The following HOXD3 variants were observed in gnomAD, a reference collection of about 807,000 sequenced individuals.
HOXD3 encodes the protein homeobox protein Hox-D3.
Under a neutral mutation model 32.8 loss-of-function variants are expected in HOXD3, and 13 were observed. The observed-to-expected ratio is 0.40, with a 90% CI of 0.26 to 0.63. The LOEUF is 0.63. HOXD3 is among the 20% of genes least tolerant of loss of function. The probability of loss-of-function intolerance (pLI) is 0.44; values close to 1 mark genes in which losing one functional copy is unlikely to be tolerated. For synonymous variants in HOXD3, 241 were observed against 246.8 expected, an observed-to-expected ratio of 0.98 and a Z score of 0.22; for missense variants, 504 against 577.1, an observed-to-expected ratio of 0.87 and a Z score of 1.30.
chr2:176,169,680 C>T (rs1239201627), intron 3 of HOXD3, 25 bp downstream of exon 3: 1 of 1,553,080 alleles, frequency 6.4e-7, no homozygotes, highest in Non-Finnish European at 8.7e-7. Context: ...TGGCCTACTG[C>T]CAGACCAAGC....
At chr2:176,157,017 G>T (rs1219472327), upstream of HOXD3, among the ~76,000 whole-genome samples, 1 of 152,110 alleles carries the variant, frequency 6.6e-6, no homozygotes, top group Non-Finnish European at 1.5e-5. Flanking sequence ...ATTGAATCGC[G>T]GGCAGGGATG....
Position 176,169,255 on chromosome 2 carries a change from C to A in HOXD3, c.141C>A (p.His47Gln), listed in dbSNP as rs768322112. 3.7e-6 allele frequency: 6 copies of A among 1,614,068 alleles called. 1 individual carries two copies. In the South Asian group the frequency reaches 4.4e-5, roughly 12 times the overall value. Reference protein sequence around the residue: ...TTDTYGYSTPHQPYPPPAAAS... With the variant: ...TTDTYGYSTPQQPYPPPAAAS... ...ACACTTACGGCTACAGCACCCCCCA[C>A]CAGCCCTACCCACCCCCTGCTGCTG... The change falls in exon 3 of 4, where the codon CAC (histidine) becomes CAA (glutamine). Residue 47 changes from histidine to glutamine, a missense_variant. Coordinates refer to ENST00000683222, the MANE Select transcript of HOXD3 (RefSeq NM_006898.5).
Position 176,171,930 on chromosome 2 carries a change from C to T in HOXD3, c.955C>T (p.Leu319Phe). The stretch of plus-strand genomic sequence containing the variant: ...CGGCCTGGCCGCCTACACGGCGCCA[C>T]TCAGCAGCTGCCTGCCACAACAGAA... ...MYGLAAYTAP[L>F]SSCLPQQKRY... Residue 319 changes from leucine (L) to phenylalanine (F), a missense_variant, in exon 4 of 4, where the codon CTC becomes TTC. Transcript: ENST00000683222. The T allele has an allele frequency of 6.2e-7, 1 of 1,610,336 alleles. No individual in the cohort carries two copies. Among genetic ancestry groups the T allele is most frequent in the Non-Finnish European group, 8.5e-7 (1 of 1,179,090 alleles).
Position 176,169,050 on chromosome 2 carries a change from C to T in HOXD3, c.-65C>T. ...TGACAGGTCACCTGGAGCCTGGGGG[C>T]CGGCCCAGCTCTCTCAGGATTCAGC... is the stretch of plus-strand genomic sequence containing the variant. On this transcript the variant is annotated 5_prime_UTR_variant, in exon 3 of 4. Transcript: ENST00000683222. 1 of 1,526,486 alleles carries T rather than the reference C, an allele frequency of 6.6e-7. No individual in the cohort carries two copies. Among genetic ancestry groups the T allele is most frequent in the East Asian group, 2.3e-5 (1 of 43,882 alleles). 94.6% of individuals were successfully genotyped at this position (1,526,486 alleles called of 1,614,324 possible). A position where few individuals can be genotyped will look rare whatever the true frequency, so the allele number is the denominator to read the frequency against.
At chr2:176,160,127 C>G (rs893213468) in intron 1 of HOXD3, among the ~76,000 whole-genome samples, 2 of 152,210 alleles carry the variant, frequency 1.3e-5, no homozygotes, top group African/African-American at 2.4e-5. Flanking sequence ...CACCTTTGGG[C>G]CGGAGCGGGT....
At chr2:176,153,293 C>G (rs1690583305), upstream of HOXD3, 1 of 302,694 alleles carries the variant, frequency 3.3e-6, no homozygotes, top group South Asian at 3.8e-5. Context: ...TTTGGACATT[C>G]TCCCCCACTC....
chr2:176,152,704 G>C (rs139645088), upstream of HOXD3: 5 of 1,614,088 alleles, frequency 3.1e-6, no homozygotes, highest in African/African-American at 4.0e-5. The surrounding 1 kb of genome is among the most constrained non-coding windows in gnomAD (Gnocchi z 5.2). Flanking sequence ...CATTTTAACA[G>C]GTATCTGACA....
intron 3 of HOXD3, 25 bp from the exon 4 acceptor site, chr2:176,171,492 C>T (rs1344126891): frequency 6.4e-7 from 1 of 1,556,362 alleles, no homozygotes; most frequent in East Asian, 2.3e-5. Flanking sequence ...CGCTCAGCGC[C>T]CTCCCTCTCT....
At chr2:176,164,921 G>A (rs1690915769) in intron 2 of HOXD3, 1 of 152,232 alleles carries the variant, frequency 6.6e-6, no homozygotes, top group Non-Finnish European at 1.5e-5. Context: ...AGTCGGACTA[G>A]CCTCCCGGCG....
upstream of HOXD3, among the ~76,000 whole-genome samples, chr2:176,154,192 C>G (rs541498965): frequency 9.2e-5 from 14 of 152,102 alleles, no homozygotes; most frequent in African/African-American, 3.4e-4. Context: ...TAATTAGAAG[C>G]AGAATTTGTA....
chr2:176,161,099 A>G (rs1690787781), intron 1 of HOXD3: 1 of 152,260 alleles, frequency 6.6e-6, no homozygotes, highest in South Asian at 2.1e-4. Flanking sequence ...TTGCATGACA[A>G]AATGGAAATC....
chr2:176,154,575 T>TA (rs1203013133), upstream of HOXD3, among the ~76,000 whole-genome samples: 1 of 152,244 alleles, frequency 6.6e-6, no homozygotes, highest in Admixed American at 6.5e-5. Flanking sequence ...TGTTGTAATT[T>TA]AAAAAATATA....
At chr2:176,159,551 G>A (rs1322719465) in intron 1 of HOXD3, among the ~76,000 whole-genome samples, 1 of 152,220 alleles carries the variant, frequency 6.6e-6, no homozygotes, top group African/African-American at 2.4e-5. Flanking sequence ...AGAGTTCCCC[G>A]TGGTGCGGGA....
chr2:176,167,881 C>G (rs1156786634), intron 2 of HOXD3, among the ~76,000 whole-genome samples: 1 of 152,052 alleles, frequency 6.6e-6, no homozygotes, highest in African/African-American at 2.4e-5. Context: ...GAACAGTAGA[C>G]AAATGACACA....
chr2:176,165,199 C>T (rs1368461186), intron 2 of HOXD3: 7 of 152,244 alleles, frequency 4.6e-5, no homozygotes, highest in African/African-American at 1.7e-4. Context: ...GAAGCGTTTA[C>T]TGCCGCCGTG....
intron 1 of HOXD3, among the ~76,000 whole-genome samples, chr2:176,162,205 T>C (rs190546371): frequency 7.4e-4 from 112 of 152,376 alleles, no homozygotes; most frequent in African/African-American, 2.5e-3. Flanking sequence ...TGGACATTTT[T>C]CTTTGCTAGC....
At chr2:176,168,261 C>CAAAAAAAAA (rs34436368) in intron 2 of HOXD3, among the ~76,000 whole-genome samples, 7 of 103,390 alleles carry the variant, frequency 6.8e-5, no homozygotes, top group Non-Finnish European at 7.6e-5. Flanking sequence ...CCTGTCTCTA[C>CAAAAAAAAA]AAAAAAAAAA....
In HOXD3 at chr2:176,172,156, A is replaced by G. The variant is rs1046001123; in HGVS notation, c.1181A>G (p.Gln394Arg). ...AGCGTGGACTACAGTTGCGCCGCGC[A>G]GATTCCAGGCAACCACCACCATGGA... ...SASVDYSCAAQIPGNHHHGPC... is the reference protein window; with the variant it reads ...SASVDYSCAARIPGNHHHGPC... Residue 394 changes from glutamine to arginine, a missense_variant, in exon 4 of 4, where the codon CAG becomes CGG. Physicochemically the swap from Gln to Arg is conservative, Grantham distance 43. This residue lies in a region of HOXD3 where 226 missense variants were observed against 246.9 expected (regional missense o/e 0.92). Coordinates refer to ENST00000683222, the MANE Select transcript of HOXD3 (RefSeq NM_006898.5). The G allele has an allele frequency of 6.2e-7, 1 of 1,613,214 alleles. No homozygotes were observed. Among genetic ancestry groups the G allele is most frequent in the East Asian group, 2.2e-5 (1 of 44,860 alleles).
intron 3 of HOXD3, among the ~76,000 whole-genome samples, chr2:176,170,033 C>T (rs986020325): frequency 2.0e-5 from 3 of 152,148 alleles, no homozygotes; most frequent in East Asian, 1.9e-4. Flanking sequence ...CCATATCACA[C>T]GAATCTCATT....
Sources: allele counts gnomAD v4.1 joint callset (sites outside exome capture counted in the v4.1 genomes callset), GRCh38; gene constraint gnomAD v4.1.1; regional missense constraint gnomAD v4.1.1; non-coding constraint Gnocchi (gnomAD v3.1); transcripts MANE v1.5; gene names NCBI Gene and HGNC (gene_info 2026-07-23, HGNC 2026-07-21).